Variants in TNRC6A observed in about 807,000 individuals in gnomAD.
TNRC6A encodes trinucleotide repeat containing adaptor 6A.
TNRC6A carries 44 observed loss-of-function variants against 221.2 expected under a neutral mutation model. That is an observed-to-expected ratio of 0.20 (90% CI 0.16 to 0.26). The LOEUF (loss-of-function observed/expected upper bound fraction) is 0.26, where lower values mean the gene tolerates loss of function less well. Ranked by LOEUF, TNRC6A falls within the 10% of genes least tolerant of loss-of-function variation. The probability of loss-of-function intolerance (pLI) is 1.00; values close to 1 mark genes in which losing one functional copy is unlikely to be tolerated. For synonymous variants in TNRC6A, 847 were observed against 838.5 expected (o/e 1.01, Z -0.18); for missense variants, 2,199 against 2,404.4 (o/e 0.91, Z 1.79).
intron 5 of TNRC6A, among the ~76,000 whole-genome samples, chr16:24,785,086 C>G (rs2057936725): frequency 6.6e-6 from 1 of 152,142 alleles, no homozygotes; most frequent in Admixed American, 6.5e-5. Context: ...AAATGCTAAT[C>G]CTTGAAATAG....
chr16:24,795,251 C>T (rs184906007), intron 8 of TNRC6A, among the ~76,000 whole-genome samples: 2 of 152,172 alleles, frequency 1.3e-5, no homozygotes, highest in East Asian at 1.9e-4. Flanking sequence ...GGCTGTACAT[C>T]GAAATCCCAT....
intron 2 of TNRC6A, among the ~76,000 whole-genome samples, chr16:24,682,739 G>T (rs896142184): frequency 6.6e-6 from 1 of 152,010 alleles, no homozygotes; most frequent in East Asian, 1.9e-4. Flanking sequence ...CAGAATGACC[G>T]CAGAGAAGCA....
intron 19 of TNRC6A, chr16:24,815,571 T>G: frequency 2.3e-6 from 1 of 429,310 alleles, no homozygotes; most frequent in Non-Finnish European, 4.3e-6. Flanking sequence ...ATTAAAAACT[T>G]TAGGCTGGGC....
rs561884481 is a variant in TNRC6A at position 24,650,858 on chromosome 16, A to G, written n.402+9849A>G. On this transcript the variant is annotated intron_variant and non_coding_transcript_variant, in intron 2 of 2. Transcript: ENST00000566108. ...TCCTACCAAAGCAAAATTAAACTTA[A>G]TAGAAAAATATTTTATACTGGTTCA... Among the ~76,000 whole-genome samples, 7 of 152,316 alleles carry G rather than the reference A, an allele frequency of 4.6e-5. No homozygotes were observed. The East Asian group carries it at 1.4e-3, about 29-fold the overall frequency.
At chr16:24,770,403 G>T (rs544153088) in intron 4 of TNRC6A, among the ~76,000 whole-genome samples, 2 of 152,306 alleles carry the variant, frequency 1.3e-5, no homozygotes, top group South Asian at 2.1e-4. Flanking sequence ...ATCAAGACTT[G>T]AGCCAGGCCT....
intron 2 of TNRC6A, among the ~76,000 whole-genome samples, chr16:24,706,863 T>A (rs1200388908): frequency 6.6e-6 from 1 of 152,048 alleles, no homozygotes; most frequent in African/African-American, 2.4e-5. Flanking sequence ...CAGTAATTGC[T>A]GTTAGAGTAA....
chr16:24,681,500 T>G (rs1424196057), intron 2 of TNRC6A, among the ~76,000 whole-genome samples: 1 of 152,262 alleles, frequency 6.6e-6, no homozygotes, highest in East Asian at 1.9e-4. Context: ...AATGCTAGGA[T>G]TGCAGGCGTG....
chr16:24,763,752 A>C (rs1300384313), intron 4 of TNRC6A, among the ~76,000 whole-genome samples: 3 of 152,136 alleles, frequency 2.0e-5, no homozygotes, highest in Non-Finnish European at 4.4e-5. Flanking sequence ...TTCCCACTGC[A>C]CTTCCATTCT....
chr16:24,795,942 G>T lies in TNRC6A; in HGVS notation c.3561+3G>T, dbSNP rs751062125. 18 of 1,612,844 alleles carry T rather than the reference G, an allele frequency of 1.1e-5. No individual in the cohort carries two copies. Among genetic ancestry groups the T allele is most frequent in the Non-Finnish European group, 5.9e-6 (7 of 1,179,170 alleles). ...GCAAAAAAAGGAGAAGGGAAAGGGT[G>T]TGTAGCCTTTTTACTCTTTCTCCTT... is the stretch of plus-strand genomic sequence containing the variant. On this transcript the variant is annotated splice_donor_region_variant and intron_variant, in intron 9 of 24. Transcript: ENST00000395799.
chr16:24,730,328 GC>G (rs1464681040), intron 2 of TNRC6A, 28 bp downstream of exon 2: 1 of 1,600,202 alleles, frequency 6.2e-7, no homozygotes, highest in South Asian at 1.1e-5. Context: ...TCCGTCTCCC[GC>G]CCCACGATAA....
intron 1 of TNRC6A, among the ~76,000 whole-genome samples, chr16:24,633,813 C>G (rs1410471831): frequency 6.7e-6 from 1 of 150,044 alleles, no homozygotes; most frequent in Non-Finnish European, 1.5e-5. Context: ...GACGAAGTCT[C>G]GCTTTGATGC....
intron 2 of TNRC6A, among the ~76,000 whole-genome samples, chr16:24,670,662 G>A (rs997607314): frequency 2.6e-5 from 4 of 152,042 alleles, no homozygotes; most frequent in Non-Finnish European, 4.4e-5. Flanking sequence ...CCCAGCCTCC[G>A]ATCTCTCTCA....
chr16:24,796,876 C>T (rs767961885), intron 9 of TNRC6A, among the ~76,000 whole-genome samples: 60 of 152,328 alleles, frequency 3.9e-4, no homozygotes, highest in Non-Finnish European at 7.5e-4. Context: ...TAACTCATGT[C>T]TCAATGGAGT....
At chr16:24,818,418 C>T (rs996879944) in intron 20 of TNRC6A, among the ~76,000 whole-genome samples, 175 bp from the exon 21 acceptor site, 3 of 152,208 alleles carry the variant, frequency 2.0e-5, no homozygotes, top group African/African-American at 7.2e-5. Flanking sequence ...CGAGCTCGCT[C>T]AGCATGCTCT....
intron 1 of TNRC6A, 127 bp from the exon 2 acceptor site, chr16:24,730,126 C>T: frequency 2.5e-6 from 2 of 812,140 alleles, no homozygotes; most frequent in Non-Finnish European, 3.5e-6. Context: ...GTCCCCCTCC[C>T]CCCGTCCTCT....
chr16:24,621,083 CAAAAAAAAAAAA>C (rs56266931), intron 1 of TNRC6A, among the ~76,000 whole-genome samples: 1 of 42,732 alleles, frequency 2.3e-5, no homozygotes, highest in African/African-American at 9.2e-5. Context: ...GACGCCGTCT[CAAAAAAAAAAAA>C]AAAAAAAAAA....
intron 2 of TNRC6A, among the ~76,000 whole-genome samples, chr16:24,699,031 G>A (rs2055917865): frequency 6.6e-6 from 1 of 152,126 alleles, no homozygotes; most frequent in African/African-American, 2.4e-5. Context: ...TTTTAAGGGA[G>A]CTGAAGAACC....
intron 3 of TNRC6A, 133 bp downstream of exon 3, chr16:24,750,946 T>A: frequency 4.7e-6 from 4 of 847,646 alleles, no homozygotes; most frequent in Non-Finnish European, 6.7e-6. Context: ...TAATATTTAA[T>A]GTCTTTGAAT....
intron 5 of TNRC6A, among the ~76,000 whole-genome samples, chr16:24,777,694 A>G (rs574074676): frequency 3.9e-5 from 6 of 152,304 alleles, no homozygotes; most frequent in African/African-American, 1.4e-4. Context: ...TATTGCATTT[A>G]ATCTTCAACA....
Sources: gnomAD v4.1 joint callset for allele counts (sites outside exome capture counted in the v4.1 genomes callset) on GRCh38, gnomAD v4.1.1 for gene constraint, MANE v1.5 for transcripts, NCBI Gene and HGNC (gene_info 2026-07-23, HGNC 2026-07-21) for gene names.